Variants in DRC3 observed in about 807,000 individuals in gnomAD.
The protein encoded by DRC3 is leucine rich repeat containing 48.
Under a neutral mutation model 57.6 loss-of-function variants are expected in DRC3, and 45 were observed. That is an observed-to-expected ratio of 0.78 (90% CI 0.62 to 1.00). DRC3 has a LOEUF of 1.00. Ranked by LOEUF, DRC3 falls within the 50% of genes least tolerant of loss-of-function variation. The probability of loss-of-function intolerance (pLI) is 0.00; values close to 1 mark genes in which losing one functional copy is unlikely to be tolerated. For missense variants in DRC3, 655 were observed against 675.2 expected, an observed-to-expected ratio of 0.97 and a Z score of 0.33; for synonymous variants, 257 against 272.3, an observed-to-expected ratio of 0.94 and a Z score of 0.55.
At chr17:17,979,411 G>A (rs2042545432) in intron 3 of DRC3, among the ~76,000 whole-genome samples, 1 of 152,230 alleles carries the variant, frequency 6.6e-6, no homozygotes, top group Non-Finnish European at 1.5e-5. Flanking sequence ...GGAGGCCAGG[G>A]GCCGAGGCAA....
At chr17:17,985,129 C>A (rs1161960526) in intron 4 of DRC3, among the ~76,000 whole-genome samples, 1 of 152,220 alleles carries the variant, frequency 6.6e-6, no homozygotes, top group African/African-American at 2.4e-5. Flanking sequence ...GTCTCTCAGA[C>A]ATAAAGCAAG....
intron 8 of DRC3, among the ~76,000 whole-genome samples, chr17:17,996,819 C>T (rs2043478405): frequency 6.6e-6 from 1 of 152,176 alleles, no homozygotes; most frequent in Admixed American, 6.5e-5. Flanking sequence ...CAGTTTCCAT[C>T]CCACAGGATC....
At chr17:18,005,681 G>T in intron 10 of DRC3, 1 of 160,456 alleles carries the variant, frequency 6.2e-6, no homozygotes, top group Non-Finnish European at 1.4e-5. Context: ...ACGCCACAAC[G>T]CAGGGATTAT....
intron 12 of DRC3, among the ~76,000 whole-genome samples, chr17:18,012,307 A>G (rs976740259): frequency 6.6e-6 from 1 of 152,210 alleles, no homozygotes; most frequent in African/African-American, 2.4e-5. Context: ...GGATATCCAT[A>G]TGCAGAAGAA....
chr17:17,991,284 C>CTTTTTTT lies in DRC3; in HGVS notation c.445-1463_445-1457dup, dbSNP rs751138192. Among the ~76,000 whole-genome samples the CTTTTTTT allele has an allele frequency of 1.7e-3, 124 of 74,002 alleles. 2 individuals carry two copies. Among genetic ancestry groups the CTTTTTTT allele is most frequent in the East Asian group, 2.6e-3 (6 of 2,290 alleles). The allele number at this position is 74,002 out of a possible 152,430, so 48.5% of individuals were successfully genotyped here. The stretch of plus-strand genomic sequence containing the variant: ...CTAGATGCTATCCAATGAAGTATTG[C>CTTTTTTT]TTTTTTTTTTTTTTTTTTTTTTTTG... On this transcript the variant is annotated intron_variant, in intron 5 of 13. Coordinates refer to ENST00000399187, the MANE Select transcript of DRC3 (RefSeq NM_031294.4).
intron 5 of DRC3, among the ~76,000 whole-genome samples, chr17:17,988,712 T>C (rs2043083298): frequency 6.6e-6 from 1 of 152,196 alleles, no homozygotes; most frequent in Non-Finnish European, 1.5e-5. Context: ...CAGTAGCCTT[T>C]GAAGATTCCT....
At chr17:18,002,590 C>G (rs182412109) in intron 9 of DRC3, among the ~76,000 whole-genome samples, 1 of 152,328 alleles carries the variant, frequency 6.6e-6, no homozygotes, top group East Asian at 1.9e-4. Flanking sequence ...AAGACTGGAA[C>G]TGTCTTTCCT....
chr17:18,016,492 G>T, intron 13 of DRC3, 66 bp from the exon 14 acceptor site: 1 of 1,198,588 alleles, frequency 8.3e-7, no homozygotes, highest in Non-Finnish European at 1.2e-6. Flanking sequence ...CCCTCAAACT[G>T]GATTCAGTGA....
chr17:17,988,057 G>A lies in DRC3; in HGVS notation c.403G>A (p.Val135Met), dbSNP rs1009707444. 3.1e-6 allele frequency: 5 copies of A among 1,613,832 alleles called. No homozygotes were observed. Among genetic ancestry groups the A allele is most frequent in the African/African-American group, 1.3e-5 (1 of 74,918 alleles). The change falls in exon 5 of 14, where the codon GTG (valine) becomes ATG (methionine). Residue 135 changes from valine to methionine, a missense_variant. By Grantham distance (21) the Val-to-Met change is conservative (BLOSUM62 1). Transcript: ENST00000399187. Reference sequence around the variant, plus strand: ...CCTGGACGCCCTCGTCAAGCTGCAGGTGTTGTCGCTGGGCAACAACCGGAT... The same window carrying A: ...CCTGGACGCCCTCGTCAAGCTGCAGATGTTGTCGCTGGGCAACAACCGGAT... ...DSLDALVKLQ[V>M]LSLGNNRIDN...
In DRC3 at chr17:18,016,156, G is replaced by A. The variant is rs2044355317; in HGVS notation, c.1419G>A (p.Val473=). 6.2e-7 allele frequency: 1 copy of A among 1,613,990 alleles called. No homozygotes were observed. Among genetic ancestry groups the A allele is most frequent in the Non-Finnish European group, 8.5e-7 (1 of 1,179,884 alleles). ...LKIDNREDEL[V]TRINSWCTRL... ...TTGACAATCGAGAAGATGAGCTGGT[G>A]ACCAGAATCAACTCTTGGTGTACAC... Residue 473 remains valine (V), a synonymous_variant, in exon 13 of 14, where the codon GTG becomes GTA. Transcript: ENST00000399187.
At chr17:18,005,507 C>A (rs952262549) in intron 10 of DRC3, 3 of 152,246 alleles carry the variant, frequency 2.0e-5, no homozygotes, top group Non-Finnish European at 4.4e-5. Flanking sequence ...TTCCTTCAAT[C>A]AACACTAACT....
At chr17:17,974,888 C>T (rs1024801352) in intron 2 of DRC3, among the ~76,000 whole-genome samples, 1 of 152,222 alleles carries the variant, frequency 6.6e-6, no homozygotes, top group Non-Finnish European at 1.5e-5. Context: ...CAGTTACTCA[C>T]TACCCATGTG....
At chr17:17,987,776 T>TA (rs935035112) in intron 4 of DRC3, among the ~76,000 whole-genome samples, 156 bp from the exon 5 acceptor site, 4 of 152,152 alleles carry the variant, frequency 2.6e-5, no homozygotes, top group African/African-American at 4.8e-5. Context: ...ACCTGGCTTC[T>TA]AAAAAAATCA....
chr17:18,008,341 C>T lies in DRC3; in HGVS notation c.1326+1194C>T, dbSNP rs2044054679. Among the ~76,000 whole-genome samples the T allele has an allele frequency of 6.6e-6, 1 of 152,226 alleles. No homozygotes were observed. Among genetic ancestry groups the T allele is most frequent in the Admixed American group, 6.5e-5 (1 of 15,274 alleles). On this transcript the variant is annotated intron_variant, in intron 12 of 13. Transcript: ENST00000399187. The surrounding 1 kb of genome is among the most constrained non-coding windows in gnomAD (Gnocchi z 4.3). The stretch of plus-strand genomic sequence containing the variant: ...CCCCATTTATCAGGTCAGGTCAGAG[C>T]CTCATCATAGTTTCAAACTACCTGG...
chr17:17,978,331 T>C (rs1685085409), intron 3 of DRC3, among the ~76,000 whole-genome samples: 1 of 152,092 alleles, frequency 6.6e-6, no homozygotes, highest in Non-Finnish European at 1.5e-5. Flanking sequence ...ATGGCTGTCA[T>C]CCCTGTCTCG....
At chr17:18,007,817 T>C in intron 12 of DRC3, 1 of 1,025,766 alleles carries the variant, frequency 9.7e-7, no homozygotes, top group Non-Finnish European at 1.2e-6. Flanking sequence ...AGTGCATGCA[T>C]CATTCACTCC....
intron 9 of DRC3, among the ~76,000 whole-genome samples, chr17:17,997,996 TATTC>T (rs1277940111): frequency 6.6e-6 from 1 of 152,250 alleles, no homozygotes; most frequent in Admixed American, 6.5e-5. Flanking sequence ...ACCATCCTTT[TATTC>T]ATTCATTCAT....
At chr17:17,994,806 C>G (rs555305410) in intron 7 of DRC3, among the ~76,000 whole-genome samples, 193 bp from the exon 8 acceptor site, 1 of 152,210 alleles carries the variant, frequency 6.6e-6, no homozygotes. Flanking sequence ...GTCTCCACCC[C>G]TCCTTGCAAC....
chr17:17,989,999 G>A (rs1003348521), intron 5 of DRC3, among the ~76,000 whole-genome samples: 1 of 152,238 alleles, frequency 6.6e-6, no homozygotes, highest in Non-Finnish European at 1.5e-5. Flanking sequence ...AGAGCTTCAA[G>A]GACGTGAGTT....
Sources: gnomAD v4.1 joint callset for allele counts (sites outside exome capture counted in the v4.1 genomes callset) on GRCh38, gnomAD v4.1.1 for gene constraint, Gnocchi (gnomAD v3.1) non-coding constraint, MANE v1.5 for transcripts, NCBI Gene and HGNC (gene_info 2026-07-23, HGNC 2026-07-21) for gene names.